The following ROBO1 variants were observed in gnomAD, a reference collection of about 807,000 sequenced individuals.
ROBO1 encodes roundabout homolog 1.
A neutral mutation model predicts 195.9 loss-of-function variants in ROBO1; 149 were observed. The observed-to-expected ratio is 0.76, with a 90% CI of 0.67 to 0.87. The LOEUF (loss-of-function observed/expected upper bound fraction) is 0.87. ROBO1 is among the 40% of genes least tolerant of loss of function. The pLI, the probability that ROBO1 is intolerant of heterozygous loss-of-function variation, is 0.00. For missense variants in ROBO1, 1,933 were observed against 2,068.3 expected, an observed-to-expected ratio of 0.93 and a Z score of 1.27; for synonymous variants, 816 against 733.2, an observed-to-expected ratio of 1.11 and a Z score of -1.82.
chr3:78,911,321 T>C (rs948613498), intron 4 of ROBO1, among the ~76,000 whole-genome samples: 2 of 152,024 alleles, frequency 1.3e-5, no homozygotes, highest in Non-Finnish European at 2.9e-5. Flanking sequence ...GTTACCTAAA[T>C]GCTTTTATGG....
rs1337290657 is a variant in ROBO1 at position 79,334,733 on chromosome 3, A to G, written c.89-209194T>C. On this transcript the variant is annotated intron_variant, in intron 2 of 30. Transcript: ENST00000464233. ...ATCTTCAATTCATATATTTTATACC[A>G]CATTTTTTTTTTTTAAAGGCAAACA... 2.7e-5 allele frequency among the ~76,000 whole-genome samples: 4 copies of G among 147,046 alleles called. No individual in the cohort carries two copies. The East Asian group carries it at 7.9e-4, about 29-fold the overall frequency.
intron 1 of ROBO1, among the ~76,000 whole-genome samples, chr3:79,718,173 G>C (rs989059991): frequency 2.0e-5 from 3 of 151,882 alleles, no homozygotes; most frequent in Non-Finnish European, 4.4e-5. Flanking sequence ...AATTTATTGA[G>C]TGAAAAGAAA....
chr3:79,361,936 T>A (rs1185274544), intron 2 of ROBO1, among the ~76,000 whole-genome samples: 1 of 152,096 alleles, frequency 6.6e-6, no homozygotes, highest in Non-Finnish European at 1.5e-5. Context: ...TCCAAGGTAG[T>A]AGCGTCCAAA....
At chr3:78,675,860 C>A (rs1420444806) in intron 10 of ROBO1, among the ~76,000 whole-genome samples, 1 of 152,120 alleles carries the variant, frequency 6.6e-6, no homozygotes, top group Admixed American at 6.5e-5. Context: ...TGAGAAAGGG[C>A]AGACTGCCTC....
At chr3:78,855,041 C>T (rs2034326192) in intron 4 of ROBO1, among the ~76,000 whole-genome samples, 1 of 152,078 alleles carries the variant, frequency 6.6e-6, no homozygotes, top group East Asian at 1.9e-4. Context: ...GATTAAACAT[C>T]CAACTATGAT....
At chr3:79,203,057 C>A (rs1197076906) in intron 2 of ROBO1, among the ~76,000 whole-genome samples, 1 of 152,072 alleles carries the variant, frequency 6.6e-6, no homozygotes, top group African/African-American at 2.4e-5. Context: ...ATAGGTGTTG[C>A]AAGGATTAAT....
At chr3:79,147,145 T>G (rs1381800669) in intron 2 of ROBO1, among the ~76,000 whole-genome samples, 1 of 151,978 alleles carries the variant, frequency 6.6e-6, no homozygotes, top group African/African-American at 2.4e-5. Flanking sequence ...ATTTAAATTC[T>G]AATTTTATAC....
At chr3:78,854,906 T>C (rs1307331784) in intron 4 of ROBO1, among the ~76,000 whole-genome samples, 1 of 152,124 alleles carries the variant, frequency 6.6e-6, no homozygotes, top group Non-Finnish European at 1.5e-5. Flanking sequence ...GGAACCAAAA[T>C]TTATTTGTAC....
chr3:79,349,844 T>C (rs554372982), intron 2 of ROBO1, among the ~76,000 whole-genome samples: 1 of 152,256 alleles, frequency 6.6e-6, no homozygotes, highest in East Asian at 1.9e-4. Context: ...AACTATAAAA[T>C]TCTTAAAGGA....
chr3:79,172,138 C>T (rs567517616), intron 2 of ROBO1, among the ~76,000 whole-genome samples: 9 of 152,192 alleles, frequency 5.9e-5, no homozygotes, highest in Middle Eastern at 3.4e-3. Context: ...TCAATTTGCT[C>T]TAAGCCTCCC....
At position 79,496,263 on chromosome 3, in the gene ROBO1, A is replaced by G. The variant is rs564987495; in HGVS notation, c.88+93561T>C. Among the ~76,000 whole-genome samples, 92 of 150,736 alleles carry G rather than the reference A, an allele frequency of 6.1e-4. 1 individual carries two copies. Among genetic ancestry groups the G allele is most frequent in the Admixed American group, 2.6e-3 (40 of 15,130 alleles). ...TCGTAAAGCACTTAAAACCTCTTAC[A>G]GGTATATTCTTTCTATGTATATAAT... On this transcript the variant is annotated intron_variant, in intron 2 of 30. Coordinates refer to ENST00000464233, the MANE Select transcript of ROBO1 (RefSeq NM_002941.4).
intron 2 of ROBO1, among the ~76,000 whole-genome samples, chr3:79,523,099 G>A (rs1019499819): frequency 2.6e-5 from 4 of 151,754 alleles, no homozygotes; most frequent in Non-Finnish European, 5.9e-5. Flanking sequence ...CAAATTATCT[G>A]ATCAGTATTG....
intron 2 of ROBO1, among the ~76,000 whole-genome samples, chr3:79,510,424 T>A (rs551616353): frequency 5.3e-5 from 8 of 152,258 alleles, no homozygotes; most frequent in African/African-American, 1.7e-4. Context: ...CTTTGTAAAT[T>A]CCCCATTCTC....
At chr3:78,966,446 C>T (rs1004322503) in intron 3 of ROBO1, among the ~76,000 whole-genome samples, 6 of 152,112 alleles carry the variant, frequency 3.9e-5, no homozygotes, top group African/African-American at 1.4e-4. Context: ...GTCGGGACTG[C>T]TAATAATTCA....
intron 4 of ROBO1, among the ~76,000 whole-genome samples, chr3:78,861,987 C>A (rs2034873016): frequency 6.6e-6 from 1 of 152,144 alleles, no homozygotes; most frequent in Non-Finnish European, 1.5e-5. Flanking sequence ...GATGTCTATG[C>A]CTTAATCCCT....
intron 3 of ROBO1, among the ~76,000 whole-genome samples, chr3:79,052,995 A>C (rs749962873): frequency 6.6e-6 from 1 of 151,956 alleles, no homozygotes; most frequent in Non-Finnish European, 1.5e-5. Flanking sequence ...AAATATGGTC[A>C]CTCTATTCAG....
rs555101858 is a variant in ROBO1 at position 79,151,600 on chromosome 3, T to G, written c.89-26061A>C. Among the ~76,000 whole-genome samples, 4 of 151,912 alleles carry G rather than the reference T, an allele frequency of 2.6e-5. No homozygotes were observed. The South Asian group carries it at 8.3e-4, about 32-fold the overall frequency. On this transcript the variant is annotated intron_variant, in intron 2 of 30. Transcript: ENST00000464233. ...TTTTGCTTTAAAATAGAAATCGGAC[T>G]TAGTTTTCTGCTTATAACTTTAAAT...
At chr3:79,500,735 G>C (rs2098121238) in intron 2 of ROBO1, among the ~76,000 whole-genome samples, 1 of 152,088 alleles carries the variant, frequency 6.6e-6, no homozygotes, top group Admixed American at 6.5e-5. Flanking sequence ...AGAAGCTCTG[G>C]GTGCTTTCCA....
At chr3:79,666,996 A>T (rs1391251708) in intron 1 of ROBO1, among the ~76,000 whole-genome samples, 1 of 151,922 alleles carries the variant, frequency 6.6e-6, no homozygotes, top group Non-Finnish European at 1.5e-5. Flanking sequence ...TAATAATAAC[A>T]TTACTAAATA....
Sources: allele counts gnomAD v4.1 joint callset (sites outside exome capture counted in the v4.1 genomes callset), GRCh38; gene constraint gnomAD v4.1.1; transcripts MANE v1.5; gene names NCBI Gene and HGNC (gene_info 2026-07-23, HGNC 2026-07-21).